The following TENM2 variants were observed in gnomAD, a reference collection of about 807,000 sequenced individuals.
TENM2 encodes the protein teneurin-2.
Under a neutral mutation model 245.2 loss-of-function variants are expected in TENM2, and 52 were observed. The observed-to-expected ratio is 0.21, with a 90% CI of 0.17 to 0.27. The LOEUF (loss-of-function observed/expected upper bound fraction) is 0.27, where lower values mean the gene tolerates loss of function less well. TENM2 is among the 10% of genes least tolerant of loss of function. The probability of loss-of-function intolerance (pLI) is 1.00; values close to 1 mark genes in which losing one functional copy is unlikely to be tolerated. For synonymous variants in TENM2, 1,363 were observed against 1,438.9 expected, an observed-to-expected ratio of 0.95 and a Z score of 1.19; for missense variants, 3,046 against 3,666.8, an observed-to-expected ratio of 0.83 and a Z score of 4.37.
chr5:167,872,351 A>G (rs899774021), intron 2 of TENM2, among the ~76,000 whole-genome samples: 114 of 139,562 alleles, frequency 8.2e-4, no homozygotes, highest in African/African-American at 3.0e-3. Flanking sequence ...AGAAAGAAAG[A>G]AAGGAAAGAG....
chr5:167,071,028 C>T, the TENM2 span, among the ~76,000 whole-genome samples: 1 of 152,242 alleles, frequency 6.6e-6, no homozygotes, highest in East Asian at 1.9e-4. Flanking sequence ...TTCCTCTGCA[C>T]ACAGGTCCCA....
chr5:168,000,254 C>G (rs74799744), intron 5 of TENM2, among the ~76,000 whole-genome samples: 1 of 152,232 alleles, frequency 6.6e-6, no homozygotes, highest in East Asian at 1.9e-4. Flanking sequence ...TTGGGGTTTC[C>G]TGATTGAGGA....
chr5:167,351,281 A>AG (rs1384547216), intron 1 of TENM2, among the ~76,000 whole-genome samples: 1 of 151,956 alleles, frequency 6.6e-6, no homozygotes, highest in Non-Finnish European at 1.5e-5. Context: ...GCTGATGACT[A>AG]GGTGCATCTC....
intron 2 of TENM2, among the ~76,000 whole-genome samples, chr5:167,673,426 T>G (rs995032322): frequency 1.3e-4 from 20 of 152,138 alleles, no homozygotes; most frequent in Admixed American, 3.3e-4. Context: ...GTCCTCTTAG[T>G]TGTCCAATGG....
the TENM2 span, among the ~76,000 whole-genome samples, chr5:166,979,198 CAG>C: frequency 0.044 from 1,717 of 38,822 alleles, 33 homozygotes; most frequent in African/African-American, 0.071. Flanking sequence ...CCACCACCAG[CAG>C]CAGCAGCAGC....
chr5:166,992,440 A>AT, the TENM2 span, among the ~76,000 whole-genome samples: 706 of 152,198 alleles, frequency 4.6e-3, 7 homozygotes, highest in African/African-American at 0.016. Context: ...AGCTACTTGG[A>AT]TTTTCTTAAA....
At chr5:168,055,252 T>C (rs1282457685) in intron 6 of TENM2, among the ~76,000 whole-genome samples, 1 of 152,222 alleles carries the variant, frequency 6.6e-6, no homozygotes, top group Non-Finnish European at 1.5e-5. Flanking sequence ...GACCAAAGAA[T>C]ACCTACTGTT....
the TENM2 span, among the ~76,000 whole-genome samples, chr5:167,279,494 C>T: frequency 7.1e-6 from 1 of 141,722 alleles, no homozygotes; most frequent in South Asian, 2.4e-4. Context: ...TTCTTTCTTT[C>T]TCTTTCTTTC....
intron 2 of TENM2, among the ~76,000 whole-genome samples, chr5:167,804,833 GA>G (rs566850554): frequency 1.6e-4 from 24 of 151,774 alleles, no homozygotes; most frequent in African/African-American, 3.9e-4. Context: ...GGCCCTAGGA[GA>G]AAAAAAAGTA....
intron 20 of TENM2, among the ~76,000 whole-genome samples, chr5:168,212,525 G>A (rs1762870292): frequency 6.6e-6 from 1 of 152,206 alleles, no homozygotes; most frequent in South Asian, 2.1e-4. Context: ...CTACTCAACG[G>A]AATGCTTCTG....
At chr5:167,049,177 A>G in the TENM2 span, among the ~76,000 whole-genome samples, 4 of 152,210 alleles carry the variant, frequency 2.6e-5, no homozygotes, top group African/African-American at 9.7e-5. Flanking sequence ...TTTGTAGAGT[A>G]AATAGTGCTT....
chr5:167,770,626 A>G (rs1198712487), intron 2 of TENM2, among the ~76,000 whole-genome samples: 2 of 152,200 alleles, frequency 1.3e-5, no homozygotes, highest in Non-Finnish European at 2.9e-5. Context: ...CGTCTGTAAG[A>G]TGCATGCCTA....
chr5:167,865,144 A>G (rs959863823), intron 2 of TENM2, among the ~76,000 whole-genome samples: 5 of 152,216 alleles, frequency 3.3e-5, no homozygotes, highest in African/African-American at 1.2e-4. Context: ...TCAGTAAGTG[A>G]CAGCATTGCC....
intron 2 of TENM2, among the ~76,000 whole-genome samples, chr5:167,520,509 C>G (rs2127581099): frequency 6.6e-6 from 1 of 152,076 alleles, no homozygotes; most frequent in African/African-American, 2.4e-5. Context: ...GATCATAATG[C>G]ACAGAAACCA....
the TENM2 span, among the ~76,000 whole-genome samples, chr5:167,192,804 G>A: frequency 2.6e-5 from 4 of 152,158 alleles, no homozygotes; most frequent in East Asian, 3.9e-4. Context: ...GATTCTCTAT[G>A]TTATGTAAGC....
intron 13 of TENM2, among the ~76,000 whole-genome samples, chr5:168,169,783 A>G (rs1455177471): frequency 6.6e-6 from 1 of 152,130 alleles, no homozygotes; most frequent in African/African-American, 2.4e-5. Flanking sequence ...ATGTATCCCA[A>G]TCGTGTTGAT....
At position 168,185,915 on chromosome 5, in the gene TENM2, CATATATATATATATAT is replaced by C. The variant is rs200942772; in HGVS notation, c.2570-4387_2570-4372del. On this transcript the variant is annotated intron_variant, in intron 13 of 28. Coordinates refer to ENST00000518659, the Ensembl canonical transcript of TENM2. The stretch of plus-strand genomic sequence containing the variant: ...GGACATATACTATATACCAGACTGA[CATATATATATATATAT>C]ATATATATATATATATATATATATA... Among the ~76,000 whole-genome samples, 30 of 73,892 alleles carry C rather than the reference CATATATATATATATAT, an allele frequency of 4.1e-4. 1 individual carries two copies. The highest frequency in any genetic ancestry group is 2.9e-3 in the South Asian group (5 of 1,726). 48.5% of individuals were successfully genotyped at this position (73,892 alleles called of 152,430 possible).
chr5:167,391,919 TAGAG>T (rs1761783029), intron 2 of TENM2, among the ~76,000 whole-genome samples: 1 of 151,848 alleles, frequency 6.6e-6, no homozygotes, highest in Non-Finnish European at 1.5e-5. Flanking sequence ...AGGGGAAAGG[TAGAG>T]AGAGAAGAGG....
intron 5 of TENM2, among the ~76,000 whole-genome samples, chr5:168,025,968 G>T (rs1358253018): frequency 6.6e-6 from 1 of 152,176 alleles, no homozygotes; most frequent in Non-Finnish European, 1.5e-5. Flanking sequence ...TATGAAGGGG[G>T]CTCACTTGCG....
Sources: allele counts gnomAD v4.1 joint callset (sites outside exome capture counted in the v4.1 genomes callset), GRCh38; gene constraint gnomAD v4.1.1; transcripts MANE v1.5; gene names NCBI Gene and HGNC (gene_info 2026-07-23, HGNC 2026-07-21).